Variants in ANAPC5 observed in about 807,000 individuals in gnomAD.
The protein encoded by ANAPC5 is anaphase-promoting complex subunit 5.
Under a neutral mutation model 91.3 loss-of-function variants are expected in ANAPC5, and 60 were observed. The ratio of observed to expected loss-of-function variants is 0.66; its 90% CI spans 0.53 to 0.81. The LOEUF is 0.81. Ranked by LOEUF, ANAPC5 falls within the 40% of genes least tolerant of loss-of-function variation. ANAPC5 has a pLI of 0.00. For missense variants in ANAPC5, 690 were observed against 931.5 expected, an observed-to-expected ratio of 0.74 and a Z score of 3.37; for synonymous variants, 340 against 364.1, an observed-to-expected ratio of 0.93 and a Z score of 0.75.
intron 5 of ANAPC5, among the ~76,000 whole-genome samples, chr12:121,340,316 C>CAAA (rs782297405): frequency 1.2e-5 from 1 of 86,392 alleles, no homozygotes; most frequent in Non-Finnish European, 2.5e-5. Flanking sequence ...AACTCCATCT[C>CAAA]AAAAAAAAAA....
At chr12:121,315,180 A>T (rs1003403397) in intron 15 of ANAPC5, among the ~76,000 whole-genome samples, 14 of 152,354 alleles carry the variant, frequency 9.2e-5, no homozygotes, top group East Asian at 1.9e-4. Context: ...GTTTAAAAAA[A>T]TTTCATTTAA....
At chr12:121,351,823 T>G (rs544500225) in intron 1 of ANAPC5, among the ~76,000 whole-genome samples, 2 of 152,088 alleles carry the variant, frequency 1.3e-5, no homozygotes, top group Non-Finnish European at 1.5e-5. Flanking sequence ...GACTTATCCC[T>G]GTGTCTCCAA....
At position 121,319,708 on chromosome 12, in the gene ANAPC5, C is replaced by G; in HGVS notation, c.1626G>C (p.Glu542Asp). 1 of 1,609,582 alleles carries G rather than the reference C, an allele frequency of 6.2e-7. No individual in the cohort carries two copies. Reference sequence around the variant, plus strand: ...TCAAGGTTTCTTACCTATAAACACCCTCTATGCTATTGAGAGCTGTGATTC... The same window carrying G: ...TCAAGGTTTCTTACCTATAAACACCGTCTATGCTATTGAGAGCTGTGATTC... ...VTGITALNSI[E>D]GVYRKAVVLQ... Residue 542 changes from glutamate to aspartate, a missense_variant, in exon 13 of 17, where the codon GAG (glutamate) becomes GAC (aspartate). Physicochemically the swap from Glu to Asp is conservative, Grantham distance 45 (BLOSUM62 2). Transcript: ENST00000261819.
At chr12:121,315,747 T>C (rs1193567375) in intron 15 of ANAPC5, among the ~76,000 whole-genome samples, 1 of 152,164 alleles carries the variant, frequency 6.6e-6, no homozygotes, top group Non-Finnish European at 1.5e-5. Context: ...CCTATATCCG[T>C]ATGCAGAAGA....
At chr12:121,353,675 C>G (rs542084723), upstream of ANAPC5, among the ~76,000 whole-genome samples, 2 of 152,156 alleles carry the variant, frequency 1.3e-5, no homozygotes, top group Non-Finnish European at 2.9e-5. Context: ...CTCCTGACCT[C>G]GTGATCCTCC....
At chr12:121,318,185 A>T in intron 15 of ANAPC5, 92 bp downstream of exon 15, 1 of 1,358,824 alleles carries the variant, frequency 7.4e-7, no homozygotes, top group Non-Finnish European at 9.7e-7. Context: ...ACAAATGAAA[A>T]CTCATTATTA....
At chr12:121,352,019 TC>T in intron 1 of ANAPC5, 114 bp downstream of exon 1, 1 of 959,744 alleles carries the variant, frequency 1.0e-6, no homozygotes, top group Non-Finnish European at 1.5e-6. Flanking sequence ...TTCACGTTCC[TC>T]CAGGCAGGGA....
At chr12:121,319,066 G>A (rs1370611119) in intron 13 of ANAPC5, among the ~76,000 whole-genome samples, 1 of 151,788 alleles carries the variant, frequency 6.6e-6, no homozygotes, top group Non-Finnish European at 1.5e-5. Flanking sequence ...TTGTATGTGT[G>A]TATGAATGTG....
At position 121,328,400 on chromosome 12, in the gene ANAPC5, A is replaced by T; in HGVS notation, c.1220T>A (p.Leu407His). The T allele has an allele frequency of 1.2e-6, 2 of 1,613,922 alleles. No homozygotes were observed. The highest frequency in any genetic ancestry group is 1.7e-6 in the Non-Finnish European group (2 of 1,179,986). Reference protein sequence around the residue: ...KLMDALKDSDLLHWKHSLSEL... With the variant: ...KLMDALKDSDHLHWKHSLSEL... ...TGACAGGCTGTGTTTCCAGTGCAGG[A>T]GGTCGGAGTCCTTTAGGGCATCCAT... Residue 407 changes from leucine (L) to histidine (H), a missense_variant, in exon 10 of 17, where the codon CTC (leucine) becomes CAC (histidine). Physicochemically the swap from Leu to His is moderately conservative, Grantham distance 99 (BLOSUM62 -3). Coordinates refer to ENST00000261819, the MANE Select transcript of ANAPC5 (RefSeq NM_016237.5).
At chr12:121,333,446 G>A (rs1224173304) in intron 7 of ANAPC5, 2 of 152,086 alleles carry the variant, frequency 1.3e-5, no homozygotes, top group Admixed American at 1.3e-4. Flanking sequence ...TATTAAAAAT[G>A]GCATTTCTAT....
Position 121,308,690 on chromosome 12 carries a change from A to C in ANAPC5, c.2058T>G (p.Ala686=). Residue 686 remains alanine (A), a splice_region_variant and synonymous_variant, in exon 17 of 17, where the codon GCT becomes GCG. Transcript: ENST00000261819. ...ASYDQPKKAE[A]LEAAIENLNE... ...TGAGGTTCTCGATGGCAGCCTCCAG[A>C]GCTGACGGAAAGGGGAAAATAACAC... 6.2e-7 allele frequency: 1 copy of C among 1,613,910 alleles called. No individual in the cohort carries two copies. Among genetic ancestry groups the C allele is most frequent in the Non-Finnish European group, 8.5e-7 (1 of 1,179,794 alleles).
At position 121,318,525 on chromosome 12, in the gene ANAPC5, A is replaced by G; in HGVS notation, c.1721T>C (p.Leu574Pro). 6.2e-7 allele frequency: 1 copy of G among 1,614,230 alleles called. No homozygotes were observed. The highest frequency in any genetic ancestry group is 8.5e-7 in the Non-Finnish European group (1 of 1,180,030). ...LQKLLVHCQK[L>P]KNTEMVISVL... Reference sequence around the variant, plus strand: ...CCTGATCACCATTTCTGTGTTCTTCAGTTTCTGACAATGAACCAACAATTT... The same window carrying G: ...CCTGATCACCATTTCTGTGTTCTTCGGTTTCTGACAATGAACCAACAATTT... Residue 574 changes from leucine to proline, a missense_variant, in exon 14 of 17, where the codon CTG (leucine) becomes CCG (proline). Physicochemically the swap from Leu to Pro is moderately conservative, Grantham distance 98. This residue lies in a region of ANAPC5 where 317 missense variants were observed against 438.7 expected (regional missense o/e 0.72). Coordinates refer to ENST00000261819, the MANE Select transcript of ANAPC5 (RefSeq NM_016237.5).
intron 7 of ANAPC5, 45 bp from the exon 8 acceptor site, chr12:121,331,473 A>G (rs782378833): frequency 1.3e-6 from 2 of 1,497,448 alleles, no homozygotes; most frequent in African/African-American, 1.4e-5. Flanking sequence ...AATCACAAAC[A>G]TGCATAAGCA....
chr12:121,327,059 T>C (rs371351583), intron 11 of ANAPC5, 37 bp downstream of exon 11: 110 of 1,562,544 alleles, frequency 7.0e-5, no homozygotes, highest in Non-Finnish European at 9.1e-5. Context: ...AGAGCCTCCA[T>C]TGCTCCAGAA....
intron 1 of ANAPC5, chr12:121,351,107 C>A: frequency 2.2e-6 from 1 of 451,090 alleles, no homozygotes; most frequent in Admixed American, 2.4e-5. Flanking sequence ...CGCAGTGGCT[C>A]ACTCCTGTAA....
At chr12:121,317,401 G>A (rs1047693969) in intron 15 of ANAPC5, among the ~76,000 whole-genome samples, 4 of 151,836 alleles carry the variant, frequency 2.6e-5, no homozygotes, top group Admixed American at 6.6e-5. Context: ...TTACAGGCAC[G>A]TGCCACCACG....
At chr12:121,347,664 G>C (rs1390666952) in intron 2 of ANAPC5, 138 bp downstream of exon 2, 1 of 655,830 alleles carries the variant, frequency 1.5e-6, no homozygotes, top group African/African-American at 1.8e-5. Context: ...CAACAAAACA[G>C]AATTAAGTAA....
intron 1 of ANAPC5, among the ~76,000 whole-genome samples, chr12:121,348,668 TA>T (rs1295992779): frequency 8.0e-5 from 12 of 150,720 alleles, no homozygotes; most frequent in East Asian, 7.8e-4. Flanking sequence ...CCGTCTCCAA[TA>T]AAAAAAAAAG....
intron 1 of ANAPC5, chr12:121,350,913 A>G (rs1903864035): frequency 3.1e-6 from 1 of 319,974 alleles, no homozygotes. Flanking sequence ...GGGAAGGTAT[A>G]TGCCATATGT....
Sources: allele counts gnomAD v4.1 joint callset (sites outside exome capture counted in the v4.1 genomes callset), GRCh38; gene constraint gnomAD v4.1.1; regional missense constraint gnomAD v4.1.1; transcripts MANE v1.5; gene names NCBI Gene and HGNC (gene_info 2026-07-23, HGNC 2026-07-21).